Variants in SLC12A5 observed in about 807,000 individuals in gnomAD.
SLC12A5 encodes solute carrier family 12 member 5.
A neutral mutation model predicts 124.0 loss-of-function variants in SLC12A5; 18 were observed. The observed-to-expected ratio is 0.15, with a 90% CI of 0.10 to 0.22. The LOEUF (loss-of-function observed/expected upper bound fraction) is 0.22. Among genes scored for constraint, SLC12A5 ranks in the 10% least tolerant of loss-of-function variants. SLC12A5 has a pLI of 1.00. For synonymous variants in SLC12A5, 589 were observed against 568.0 expected (o/e 1.04, Z -0.53); for missense variants, 867 against 1,478.7 (o/e 0.59, Z 6.78).
chr20:46,042,332 G>C (rs879452705), intron 8 of SLC12A5, among the ~76,000 whole-genome samples: 1 of 152,180 alleles, frequency 6.6e-6, no homozygotes, highest in Non-Finnish European at 1.5e-5. Context: ...TAATGTGGAT[G>C]GGTTAAAGGG....
In SLC12A5 at chr20:46,036,888, A is replaced by G. The variant is rs3746516; in HGVS notation, c.481+93A>G. 41,358 of 1,485,448 alleles carry G rather than the reference A, an allele frequency of 0.028. 1,137 individuals are homozygous for G. Among genetic ancestry groups the G allele is most frequent in the Admixed American group, 0.14 (8,360 of 58,644 alleles). 92.0% of individuals were successfully genotyped at this position (1,485,448 alleles called of 1,614,324 possible). On this transcript the variant is annotated intron_variant, in intron 5 of 25. Transcript: ENST00000243964. ...TGGGGGACATCAAGGCCCAAGAGAG[A>G]TAATATTCTAGACTAGGGGGCTGGG...
chr20:46,043,934 G>A lies in SLC12A5; in HGVS notation c.1394+1G>A. On this transcript the variant is annotated splice_donor_variant, in intron 11 of 25. Transcript: ENST00000243964. LOFTEE classifies it high-confidence loss of function. ...TTGAGGGGGTCGTCCTGCGGGACAA[G>A]TAAGATAATTGGGGTTGATCCTATT... 1 of 1,589,768 alleles carries A rather than the reference G, an allele frequency of 6.3e-7. No individual in the cohort carries two copies. The highest frequency in any genetic ancestry group is 8.6e-7 in the Non-Finnish European group (1 of 1,163,954).
chr20:46,049,516 A>T, intron 16 of SLC12A5, 106 bp from the exon 17 acceptor site: 1 of 1,397,884 alleles, frequency 7.2e-7, no homozygotes, highest in Non-Finnish European at 9.8e-7. Context: ...TGGATGGGAC[A>T]GATGGTTATA....
intron 14 of SLC12A5, 86 bp from the exon 15 acceptor site, chr20:46,047,368 G>T: frequency 4.5e-6 from 7 of 1,561,226 alleles, no homozygotes; most frequent in Non-Finnish European, 6.1e-6. Context: ...CCCATGCCCT[G>T]CCCCATCTCC....
upstream of SLC12A5, chr20:46,029,090 A>C: frequency 7.6e-7 from 1 of 1,313,068 alleles, no homozygotes. Context: ...CTCCCCCCAA[A>C]ACCCCGCCAG....
chr20:46,047,477 G>A lies in SLC12A5; in HGVS notation c.1811G>A (p.Ser604Asn). Reference sequence around the variant, plus strand: ...AGGACCCTCTCCTTCCTGGGCATGAGCCTCTGCCTGGCCCTCATGTTCATC... The same window carrying A: ...AGGACCCTCTCCTTCCTGGGCATGAACCTCTGCCTGGCCCTCATGTTCATC... ...YHWTLSFLGM[S>N]LCLALMFICS... The change falls in exon 15 of 26, where the codon AGC becomes AAC. Residue 604 changes from serine (S) to asparagine (N), a missense_variant. Ser to Asn is a conservative substitution (Grantham distance 46). Coordinates refer to ENST00000243964, the MANE Select transcript of SLC12A5 (RefSeq NM_020708.5). The A allele has an allele frequency of 6.2e-7, 1 of 1,614,094 alleles. No homozygotes were observed.
At position 46,057,430 on chromosome 20, in the gene SLC12A5, C is replaced by T; in HGVS notation, c.3260-84C>T. 2 of 1,600,432 alleles carry T rather than the reference C, an allele frequency of 1.2e-6. No individual in the cohort carries two copies. The highest frequency in any genetic ancestry group is 1.7e-6 in the Non-Finnish European group (2 of 1,167,748). ...AGCACCTCGGACAGGGACACGGGCG[C>T]GAGAGGTCCCCTGGCAGCCGAGCGC... On this transcript the variant is annotated intron_variant, in intron 25 of 25. Transcript: ENST00000243964. This position sits in a 1 kb window ranked among gnomAD's most constrained non-coding sequence, Gnocchi z 7.1.
Position 46,035,656 on chromosome 20 carries a change from G to A in SLC12A5, c.279+121G>A, listed in dbSNP as rs759359698. 4.7e-4 allele frequency: 712 copies of A among 1,509,934 alleles called. 1 individual carries two copies. The highest frequency in any genetic ancestry group is 6.0e-4 in the Non-Finnish European group (674 of 1,123,074). The allele number at this position is 1,509,934 out of a possible 1,614,324, so 93.5% of individuals were successfully genotyped here. On this transcript the variant is annotated intron_variant, in intron 3 of 25. Transcript: ENST00000243964. ...AGGGGATACAAATCAGAAAGAAGAGGGATGAAGGGTTGAGAATAGAGAGAA... is the reference window on the plus strand; with the variant it reads ...AGGGGATACAAATCAGAAAGAAGAGAGATGAAGGGTTGAGAATAGAGAGAA...
At chr20:46,026,864 A>G (rs1363205349), upstream of SLC12A5, among the ~76,000 whole-genome samples, 1 of 152,128 alleles carries the variant, frequency 6.6e-6, no homozygotes, top group African/African-American at 2.4e-5. Flanking sequence ...GGAAAGAGGA[A>G]TCACTCCTGC....
At chr20:46,054,813 G>A in intron 20 of SLC12A5, 103 bp from the exon 21 acceptor site, 1 of 761,168 alleles carries the variant, frequency 1.3e-6, no homozygotes, top group Non-Finnish European at 2.2e-6. Flanking sequence ...AGAAGGACGG[G>A]GGCCTTCCTT....
rs959603505 is a variant in SLC12A5 at position 46,053,892 on chromosome 20, G to T, written c.2679+183G>T. Among the ~76,000 whole-genome samples the T allele has an allele frequency of 1.3e-5, 2 of 152,124 alleles. No homozygotes were observed. The highest frequency in any genetic ancestry group is 4.8e-5 in the African/African-American group (2 of 41,412). On this transcript the variant is annotated intron_variant, in intron 20 of 25. Transcript: ENST00000243964. The surrounding 1 kb of genome is among the most constrained non-coding windows in gnomAD (Gnocchi z 4.7). ...TTCTCTATAAAAGTAGCCATGTCTA[G>T]TGCTTATTATATGCCAGGCACTGTT...
In SLC12A5 at chr20:46,058,746, G is replaced by A; in HGVS notation, c.*1141G>A. ...CCTCCCTGGGACAAGTGAGGGAGGA[G>A]GGGGCCGATTCTGGTTTAGGGGCCG... On this transcript the variant is annotated 3_prime_UTR_variant, in exon 26 of 26. Coordinates refer to ENST00000243964, the MANE Select transcript of SLC12A5 (RefSeq NM_020708.5). This position sits in a 1 kb window ranked among gnomAD's most constrained non-coding sequence, Gnocchi z 5.8. 1 of 398,908 alleles carries A rather than the reference G, an allele frequency of 2.5e-6. No homozygotes were observed. Among genetic ancestry groups the A allele is most frequent in the East Asian group, 3.6e-5 (1 of 28,070 alleles). The allele number at this position is 398,908 out of a possible 1,614,324, so 24.7% of individuals were successfully genotyped here.
At position 46,057,149 on chromosome 20, in the gene SLC12A5, C is replaced by A. The variant is rs763191512; in HGVS notation, c.3126-21C>A. 3 of 1,613,520 alleles carry A rather than the reference C, an allele frequency of 1.9e-6. No individual in the cohort carries two copies. The highest frequency in any genetic ancestry group is 2.5e-6 in the Non-Finnish European group (3 of 1,179,730). On this transcript the variant is annotated intron_variant, in intron 24 of 25. Transcript: ENST00000243964. The surrounding 1 kb of genome is among the most constrained non-coding windows in gnomAD (Gnocchi z 7.1). The stretch of plus-strand genomic sequence containing the variant: ...CTACCCCCCCGGCTCACGCGGTCTC[C>A]ACTCCTCCTTCCTGCCGCAGGAACC...
At position 46,057,409 on chromosome 20, in the gene SLC12A5, C is replaced by T. The variant is rs1304200075; in HGVS notation, c.3260-105C>T. 8 of 1,605,594 alleles carry T rather than the reference C, an allele frequency of 5.0e-6. No homozygotes were observed. The highest frequency in any genetic ancestry group is 2.2e-5 in the South Asian group (2 of 90,932). ...AGCTGTTCCTGCCTCCGGATCAGCA[C>T]CTCGGACAGGGACACGGGCGCGAGA... On this transcript the variant is annotated intron_variant, in intron 25 of 25. Transcript: ENST00000243964. This position sits in a 1 kb window ranked among gnomAD's most constrained non-coding sequence, Gnocchi z 7.1.
chr20:46,035,014 A>G lies in SLC12A5; in HGVS notation c.119A>G (p.Tyr40Cys). Residue 40 changes from tyrosine to cysteine, a missense_variant, in exon 2 of 26, where the codon TAT becomes TGT. Tyr to Cys is a radical substitution (Grantham distance 194, BLOSUM62 -2). Around this residue, in one of 9 missense-constraint regions of SLC12A5, gnomAD observed 58 missense variants for 52.2 expected, o/e 1.11. Transcript: ENST00000243964. Reference protein sequence around the residue: ...NSTDTEKGKEYDGKNMALFEE... With the variant: ...NSTDTEKGKECDGKNMALFEE... ...ACCGACACAGAGAAGGGAAAGGAGT[A>G]TGATGGCAAGAACATGGCCTTGTTT... is the stretch of plus-strand genomic sequence containing the variant. The G allele has an allele frequency of 1.2e-6, 2 of 1,614,028 alleles. No individual in the cohort carries two copies. The highest frequency in any genetic ancestry group is 1.7e-6 in the Non-Finnish European group (2 of 1,179,956).
intron 6 of SLC12A5, among the ~76,000 whole-genome samples, chr20:46,038,876 T>A (rs1044273369): frequency 1.2e-4 from 19 of 152,026 alleles, no homozygotes; most frequent in Admixed American, 6.6e-5. Flanking sequence ...TGGAAGAGGG[T>A]AGGACAGGGA....
At chr20:46,032,718 C>T (rs1043434147) in intron 1 of SLC12A5, among the ~76,000 whole-genome samples, 1 of 152,144 alleles carries the variant, frequency 6.6e-6, no homozygotes, top group Non-Finnish European at 1.5e-5. Context: ...CTCCAGCCCC[C>T]TTTTTTAACC....
In SLC12A5 at chr20:46,047,500, A is replaced by G. The variant is rs1600600642; in HGVS notation, c.1834A>G (p.Ile612Val). ...GMSLCLALMF[I>V]CSWYYALVAM... ...GAGCCTCTGCCTGGCCCTCATGTTC[A>G]TCTGCTCCTGGTATTATGCACTGGT... The change falls in exon 15 of 26, where the codon ATC becomes GTC. Residue 612 changes from isoleucine (I) to valine (V), a missense_variant. Transcript: ENST00000243964. The G allele has an allele frequency of 1.9e-6, 3 of 1,613,986 alleles. No homozygotes were observed. The highest frequency in any genetic ancestry group is 2.2e-5 in the South Asian group (2 of 91,084).
upstream of SLC12A5, chr20:46,021,805 G>A (rs758646898): frequency 1.3e-6 from 2 of 1,533,122 alleles, no homozygotes; most frequent in East Asian, 4.9e-5. Flanking sequence ...GCCCCCCGCA[G>A]GGCCCGCCAG....
Sources: allele counts gnomAD v4.1 joint callset (sites outside exome capture counted in the v4.1 genomes callset), GRCh38; gene constraint gnomAD v4.1.1; regional missense constraint gnomAD v4.1.1; non-coding constraint Gnocchi (gnomAD v3.1); transcripts MANE v1.5; gene names NCBI Gene and HGNC (gene_info 2026-07-23, HGNC 2026-07-21).